The following UBE2E2 variants were observed in gnomAD, a reference collection of about 807,000 sequenced individuals.
UBE2E2 encodes the protein ubiquitin-conjugating enzyme E2 E2.
In UBE2E2, 6 loss-of-function variants were observed where a neutral mutation model predicts 24.7. That is an observed-to-expected ratio of 0.24 (90% CI 0.13 to 0.48). The LOEUF is 0.48. Among genes scored for constraint, UBE2E2 ranks in the 20% least tolerant of loss-of-function variants. The pLI, the probability that UBE2E2 is intolerant of heterozygous loss-of-function variation, is 0.99. For missense variants in UBE2E2, 169 were observed against 245.0 expected (o/e 0.69, Z 2.07); for synonymous variants, 104 against 83.6 (o/e 1.24, Z -1.33).
chr3:23,569,896 C>T (rs1434233904), intron 5 of UBE2E2, among the ~76,000 whole-genome samples: 2 of 152,102 alleles, frequency 1.3e-5, no homozygotes, highest in Admixed American at 6.5e-5. Context: ...TTTATGAGCA[C>T]TATTGACTCA....
chr3:23,509,131 C>T lies in UBE2E2; in HGVS notation c.360+9391C>T, dbSNP rs527956713. ...TGAACACTGGAAACTCTGAGAGAAA[C>T]ACTCTAAGCACATAAAATTTAAGGA... On this transcript the variant is annotated intron_variant, in intron 4 of 5. Coordinates refer to ENST00000396703, the MANE Select transcript of UBE2E2 (RefSeq NM_152653.4). Among the ~76,000 whole-genome samples the T allele has an allele frequency of 2.1e-3, 316 of 152,328 alleles. 1 individual carries two copies. Among genetic ancestry groups the T allele is most frequent in the African/African-American group, 7.3e-3 (302 of 41,582 alleles).
chr3:23,505,807 G>A (rs1694440003), intron 4 of UBE2E2, among the ~76,000 whole-genome samples: 1 of 152,152 alleles, frequency 6.6e-6, no homozygotes, highest in Non-Finnish European at 1.5e-5. Flanking sequence ...CACTGCTTTT[G>A]AAAAGTGAAA....
At chr3:23,270,398 G>A (rs1157718831) in intron 3 of UBE2E2, among the ~76,000 whole-genome samples, 1 of 152,040 alleles carries the variant, frequency 6.6e-6, no homozygotes, top group Non-Finnish European at 1.5e-5. Flanking sequence ...GCACTCTTTT[G>A]TATGAGAGCC....
rs566486728 is a variant in UBE2E2, at chr3:23,551,468, A to C, written c.508+18767A>C. Among the ~76,000 whole-genome samples the C allele has an allele frequency of 7.2e-5, 11 of 152,332 alleles. No homozygotes were observed. The East Asian group carries it at 2.1e-3, about 29-fold the overall frequency. On this transcript the variant is annotated intron_variant, in intron 5 of 5. Coordinates refer to ENST00000396703, the MANE Select transcript of UBE2E2 (RefSeq NM_152653.4). The stretch of plus-strand genomic sequence containing the variant: ...TCTATATTAGTAGAAACATGCAAAC[A>C]GCTATACTATTCAAACTTGCTAGTA...
At chr3:23,252,124 A>G (rs1697590886) in intron 3 of UBE2E2, among the ~76,000 whole-genome samples, 2 of 152,208 alleles carry the variant, frequency 1.3e-5, no homozygotes, top group Non-Finnish European at 2.9e-5. Flanking sequence ...TAATAAAGCT[A>G]TATGCTCTTT....
intron 3 of UBE2E2, among the ~76,000 whole-genome samples, chr3:23,232,734 G>C (rs1371497245): frequency 6.6e-6 from 1 of 152,152 alleles, no homozygotes; most frequent in Non-Finnish European, 1.5e-5. Context: ...AATCATTTTT[G>C]CTCTTTGCGC....
chr3:23,525,471 A>AGT (rs1242321503), intron 4 of UBE2E2, among the ~76,000 whole-genome samples: 3 of 152,202 alleles, frequency 2.0e-5, no homozygotes, highest in Non-Finnish European at 2.9e-5. Context: ...GCTATATCCA[A>AGT]GTCGTATTTT....
At position 23,324,846 on chromosome 3, in the gene UBE2E2, G is replaced by A. The variant is rs138052532; in HGVS notation, c.227+107534G>A. Among the ~76,000 whole-genome samples the A allele has an allele frequency of 2.6e-3, 400 of 151,514 alleles. 3 individuals are homozygous for A. The highest frequency in any genetic ancestry group is 8.7e-3 in the African/African-American group (358 of 41,370). On this transcript the variant is annotated intron_variant, in intron 3 of 5. Transcript: ENST00000396703. ...TTATTTTCTTTATCTGTGGTATTTT[G>A]TTTTGTTAAATAGTGTGTTATATAA...
intron 3 of UBE2E2, among the ~76,000 whole-genome samples, chr3:23,450,934 A>T (rs1698548862): frequency 6.6e-6 from 1 of 152,236 alleles, no homozygotes. Context: ...TTACAGATTA[A>T]TTAAATTTGT....
At chr3:23,301,450 A>G (rs968758536) in intron 3 of UBE2E2, among the ~76,000 whole-genome samples, 44 of 152,248 alleles carry the variant, frequency 2.9e-4, no homozygotes, top group East Asian at 7.7e-4. Flanking sequence ...TGATGTACAG[A>G]TGGGTTTTTG....
chr3:23,433,396 G>A (rs976006208), intron 3 of UBE2E2, among the ~76,000 whole-genome samples: 1 of 151,932 alleles, frequency 6.6e-6, no homozygotes, highest in African/African-American at 2.4e-5. Context: ...GATAAATAGT[G>A]ATAGAGTTCT....
chr3:23,233,179 A>G (rs1697015218), intron 3 of UBE2E2, among the ~76,000 whole-genome samples: 1 of 152,180 alleles, frequency 6.6e-6, no homozygotes, highest in African/African-American at 2.4e-5. Flanking sequence ...AGAAAATGTG[A>G]GAAAGTAGGA....
At chr3:23,210,558 TAGAG>T (rs1224566538) in intron 2 of UBE2E2, among the ~76,000 whole-genome samples, 10 of 152,304 alleles carry the variant, frequency 6.6e-5, no homozygotes, top group Middle Eastern at 3.4e-3. Flanking sequence ...CTACAGTATA[TAGAG>T]AAAGTACGGA....
intron 3 of UBE2E2, among the ~76,000 whole-genome samples, chr3:23,332,716 T>TGTGTGC (rs1553603061): frequency 1.4e-5 from 2 of 146,212 alleles, no homozygotes; most frequent in Non-Finnish European, 3.0e-5. Flanking sequence ...TGTGTGTGTG[T>TGTGTGC]GTGCAGCTAT....
In UBE2E2 at chr3:23,489,913, T is replaced by G. The variant is rs547508490; in HGVS notation, c.228-9695T>G. 4.6e-5 allele frequency among the ~76,000 whole-genome samples: 7 copies of G among 152,320 alleles called. No homozygotes were observed. The South Asian group carries it at 1.4e-3, about 32-fold the overall frequency. ...CTTTTCATTTTTCCTAAGTATTCCT[T>G]TCTTTCCCCTTCCCCCCATATGCAT... On this transcript the variant is annotated intron_variant, in intron 3 of 5. Transcript: ENST00000396703.
At chr3:23,532,233 C>T (rs112477117) in intron 4 of UBE2E2, among the ~76,000 whole-genome samples, 9 of 152,148 alleles carry the variant, frequency 5.9e-5, no homozygotes, top group South Asian at 2.1e-4. Context: ...GTCAGTTTCT[C>T]CCCATGAACA....
At chr3:23,476,210 G>A (rs1699134944) in intron 3 of UBE2E2, among the ~76,000 whole-genome samples, 1 of 152,014 alleles carries the variant, frequency 6.6e-6, no homozygotes, top group Non-Finnish European at 1.5e-5. Flanking sequence ...ATTCATACCT[G>A]TCTCTGAGTG....
chr3:23,255,668 A>T (rs1161732361), intron 3 of UBE2E2, among the ~76,000 whole-genome samples: 2 of 152,206 alleles, frequency 1.3e-5, no homozygotes, highest in Non-Finnish European at 2.9e-5. Context: ...ATTTTACAGA[A>T]GTATGAGCTT....
At chr3:23,212,519 ATATT>A (rs1257388810) in intron 2 of UBE2E2, among the ~76,000 whole-genome samples, 2 of 152,092 alleles carry the variant, frequency 1.3e-5, no homozygotes, top group African/African-American at 2.4e-5. Flanking sequence ...ATTTTATATC[ATATT>A]TATTCTAAAT....
Sources: gnomAD v4.1 joint callset for allele counts (sites outside exome capture counted in the v4.1 genomes callset) on GRCh38, gnomAD v4.1.1 for gene constraint, MANE v1.5 for transcripts, NCBI Gene and HGNC (gene_info 2026-07-23, HGNC 2026-07-21) for gene names.